The following VWC2L variants were observed in gnomAD, a reference collection of about 807,000 sequenced individuals.
VWC2L encodes von Willebrand factor C domain containing 2 like, also known as von Willebrand factor C domain-containing protein 2-like.
VWC2L carries 10 observed loss-of-function variants against 21.6 expected under a neutral mutation model. That is an observed-to-expected ratio of 0.46 (90% CI 0.29 to 0.78). The LOEUF (loss-of-function observed/expected upper bound fraction) is 0.78, where lower values mean the gene tolerates loss of function less well. VWC2L is among the 30% of genes least tolerant of loss of function. The pLI is 0.10. For synonymous variants in VWC2L, 96 were observed against 94.3 expected (o/e 1.02, Z -0.10); for missense variants, 209 against 277.1 (o/e 0.75, Z 1.74).
chr2:214,510,382 A>AATTCATTTACATGTTATCTG lies in VWC2L; in HGVS notation c.521-65290_521-65289insATTCATTTACATGTTATCTG, dbSNP rs1689034496. ...CATGTTATCTGGCCCCTCTATTTGG[A>AATTCATTTACATGTTATCTG]GCCGCTTTCTGTTAGTTCTAGACAG... is the stretch of plus-strand genomic sequence containing the variant. On this transcript the variant is annotated intron_variant, in intron 3 of 3. Transcript: ENST00000312504. Among the ~76,000 whole-genome samples, 7 of 152,286 alleles carry AATTCATTTACATGTTATCTG rather than the reference A, an allele frequency of 4.6e-5. No homozygotes were observed. In the South Asian group the frequency reaches 1.4e-3, roughly 32 times the overall value.
rs182522330 is a variant in VWC2L at position 214,421,954 on chromosome 2, C to G, written c.390+7371C>G. 3.5e-5 allele frequency among the ~76,000 whole-genome samples: 4 copies of G among 114,652 alleles called. 1 individual carries two copies. The highest frequency in any genetic ancestry group is 1.6e-4 in the African/African-American group (4 of 24,344). 75.2% of individuals were successfully genotyped at this position (114,652 alleles called of 152,430 possible). On this transcript the variant is annotated intron_variant, in intron 2 of 3. Transcript: ENST00000312504. ...TCGCCCAGGCTGGAGTGCAGTGGCGCGATCTCGACTCTGCAAGCTCCGCCT... is the reference window on the plus strand; with the variant it reads ...TCGCCCAGGCTGGAGTGCAGTGGCGGGATCTCGACTCTGCAAGCTCCGCCT...
At position 214,560,802 on chromosome 2, in the gene VWC2L, G is replaced by A. The variant is rs538944508; in HGVS notation, c.521-14870G>A. ...CTCCTTCATTCTCAAGCTGTCATGT[G>A]GGCTAAAATCACACTTATCAAAGAA... is the stretch of plus-strand genomic sequence containing the variant. On this transcript the variant is annotated intron_variant, in intron 3 of 3. Transcript: ENST00000312504. Among the ~76,000 whole-genome samples the A allele has an allele frequency of 1.7e-3, 261 of 152,218 alleles. 1 individual carries two copies. The highest frequency in any genetic ancestry group is 6.8e-3 in the Middle Eastern group (2 of 294).
At chr2:214,455,426 T>G in intron 3 of VWC2L, among the ~76,000 whole-genome samples, 1 of 152,158 alleles carries the variant, frequency 6.6e-6, no homozygotes, top group South Asian at 2.1e-4. Context: ...AACCAATATA[T>G]TTGCACATAT....
At chr2:214,482,597 T>A (rs1461509632) in intron 3 of VWC2L, among the ~76,000 whole-genome samples, 5 of 149,666 alleles carry the variant, frequency 3.3e-5, no homozygotes, top group African/African-American at 1.2e-4. Flanking sequence ...ATATATATAT[T>A]TACCAGTTTG....
intron 3 of VWC2L, among the ~76,000 whole-genome samples, chr2:214,557,582 C>T (rs1689893342): frequency 6.6e-6 from 1 of 152,166 alleles, no homozygotes; most frequent in Non-Finnish European, 1.5e-5. Flanking sequence ...CCTACTCAAA[C>T]AAATATATTA....
At position 214,436,632 on chromosome 2, in the gene VWC2L, T is replaced by G; in HGVS notation, c.394T>G (p.Ser132Ala). 1.2e-6 allele frequency: 2 copies of G among 1,613,110 alleles called. No homozygotes were observed. Among genetic ancestry groups the G allele is most frequent in the Non-Finnish European group, 1.7e-6 (2 of 1,179,270 alleles). The change falls in exon 3 of 4, where the codon TCT becomes GCT. Residue 132 changes from serine (S) to alanine (A), a missense_variant. Coordinates refer to ENST00000312504, the MANE Select transcript of VWC2L (RefSeq NM_001080500.4). Reference sequence around the variant, plus strand: ...CTAATTTTAGATTTGTTCCTAGCCCTCTCCATGTGAATGGTGTCGCTGTGA... The same window carrying G: ...CTAATTTTAGATTTGTTCCTAGCCCGCTCCATGTGAATGGTGTCGCTGTGA... ...NYKILEEFKPSPCEWCRCEPS... is the reference protein window; with the variant it reads ...NYKILEEFKPAPCEWCRCEPS...
intron 3 of VWC2L, among the ~76,000 whole-genome samples, chr2:214,551,610 T>C (rs1265904492): frequency 6.6e-6 from 1 of 152,236 alleles, no homozygotes; most frequent in South Asian, 2.1e-4. Flanking sequence ...CATTCCAATC[T>C]ATCAGCTCTT....
At chr2:214,507,994 T>C (rs1405039069) in intron 3 of VWC2L, among the ~76,000 whole-genome samples, 1 of 152,230 alleles carries the variant, frequency 6.6e-6, no homozygotes, top group Non-Finnish European at 1.5e-5. Context: ...ATTTATTTAT[T>C]GAGACAGAGT....
Position 214,436,534 on chromosome 2 carries a change from T to A in VWC2L, c.391-95T>A, listed in dbSNP as rs1432633836. ...AATGGAATTAATACAGTAAAGCCAA[T>A]ATAATAAGCACTGATGTTTTGTCTT... On this transcript the variant is annotated intron_variant, in intron 2 of 3. Coordinates refer to ENST00000312504, the MANE Select transcript of VWC2L (RefSeq NM_001080500.4). 6 of 1,455,892 alleles carry A rather than the reference T, an allele frequency of 4.1e-6. No homozygotes were observed. The East Asian group carries it at 1.4e-4, about 33-fold the overall frequency. 90.2% of individuals were successfully genotyped at this position (1,455,892 alleles called of 1,614,324 possible). A position where few individuals can be genotyped will look rare whatever the true frequency, so the allele number is the denominator to read the frequency against.
intron 3 of VWC2L, among the ~76,000 whole-genome samples, chr2:214,444,428 C>T (rs1702808227): frequency 6.6e-6 from 1 of 151,762 alleles, no homozygotes; most frequent in Non-Finnish European, 1.5e-5. Context: ...TTATTAAAAC[C>T]TATTAAAAAT....
chr2:214,516,700 C>G (rs1689149690), intron 3 of VWC2L, among the ~76,000 whole-genome samples: 1 of 150,516 alleles, frequency 6.6e-6, no homozygotes, highest in African/African-American at 2.4e-5. Flanking sequence ...GTATATAAAG[C>G]TAGTTCAACT....
chr2:214,513,677 G>A (rs960885924), intron 3 of VWC2L, among the ~76,000 whole-genome samples: 11 of 152,020 alleles, frequency 7.2e-5, no homozygotes, highest in Non-Finnish European at 1.3e-4. Flanking sequence ...GCCAATCAAA[G>A]CTTGCTACAG....
intron 3 of VWC2L, among the ~76,000 whole-genome samples, chr2:214,440,371 G>T (rs1169718410): frequency 6.6e-6 from 1 of 151,894 alleles, no homozygotes; most frequent in Non-Finnish European, 1.5e-5. Context: ...CAATACAAAT[G>T]CCTTCCTGAA....
rs775581941 is a variant in VWC2L, at chr2:214,437,277, G to A, written c.520+519G>A. 8.6e-4 allele frequency among the ~76,000 whole-genome samples: 131 copies of A among 152,274 alleles called. 1 individual carries two copies. The highest frequency in any genetic ancestry group is 4.1e-4 in the South Asian group (2 of 4,824). On this transcript the variant is annotated intron_variant, in intron 3 of 3. Transcript: ENST00000312504. ...GATTAAAAAGTTTAGGGCCTTTATT[G>A]TAGGTTTTTATTACAGTGGAACTGT...
At chr2:214,453,413 T>C (rs80019042) in intron 3 of VWC2L, among the ~76,000 whole-genome samples, 1,570 of 152,324 alleles carry the variant, frequency 0.01, 36 homozygotes, top group African/African-American at 0.036. Context: ...TTCTGAACCC[T>C]GTATTCTGTT....
At chr2:214,537,901 C>CTTTTTTTTTTTTT (rs35664504) in intron 3 of VWC2L, among the ~76,000 whole-genome samples, 1 of 135,668 alleles carries the variant, frequency 7.4e-6, no homozygotes. Flanking sequence ...GGATAGTGGC[C>CTTTTTTTTTTTTT]TTTTTTTTTT....
chr2:214,423,955 T>A (rs145619151), intron 2 of VWC2L, among the ~76,000 whole-genome samples: 36 of 151,926 alleles, frequency 2.4e-4, no homozygotes, highest in African/African-American at 8.7e-4. Flanking sequence ...ATGGCAGGAA[T>A]GGAGTATGCA....
At chr2:214,569,293 T>A (rs1690113982) in intron 3 of VWC2L, among the ~76,000 whole-genome samples, 1 of 152,014 alleles carries the variant, frequency 6.6e-6, no homozygotes, top group African/African-American at 2.4e-5. Flanking sequence ...ATGGTGCAGT[T>A]AATGAAATCA....
At chr2:214,473,880 G>A (rs192218692) in intron 3 of VWC2L, 2 of 151,920 alleles carry the variant, frequency 1.3e-5, no homozygotes, top group East Asian at 1.9e-4. Flanking sequence ...TTAGCAGAGG[G>A]CCAATCTGTG....
Sources: allele counts gnomAD v4.1 joint callset (sites outside exome capture counted in the v4.1 genomes callset), GRCh38; gene constraint gnomAD v4.1.1; transcripts MANE v1.5; gene names NCBI Gene and HGNC (gene_info 2026-07-23, HGNC 2026-07-21).